The following ADCK1 variants were observed in gnomAD, a reference collection of about 807,000 sequenced individuals.
The protein encoded by ADCK1 is aarF domain containing kinase 1.
A neutral mutation model predicts 52.3 loss-of-function variants in ADCK1; 41 were observed. The observed-to-expected ratio is 0.78, with a 90% CI of 0.61 to 1.02. The LOEUF (loss-of-function observed/expected upper bound fraction) is 1.02, where lower values mean the gene tolerates loss of function less well. Among genes scored for constraint, ADCK1 ranks in the 50% least tolerant of loss-of-function variants. ADCK1 has a pLI of 0.00. For synonymous variants in ADCK1, 250 were observed against 274.6 expected (o/e 0.91, Z 0.89); for missense variants, 658 against 679.5 (o/e 0.97, Z 0.35).
intron 4 of ADCK1, among the ~76,000 whole-genome samples, chr14:77,860,978 A>G (rs1211965146): frequency 6.6e-6 from 1 of 152,154 alleles, no homozygotes; most frequent in Non-Finnish European, 1.5e-5. Context: ...GCTGTCCCCA[A>G]GCCAGGGTGG....
intron 3 of ADCK1, among the ~76,000 whole-genome samples, chr14:77,835,819 A>G (rs960421615): frequency 4.6e-5 from 7 of 152,100 alleles, no homozygotes; most frequent in African/African-American, 1.7e-4. Context: ...TATTTTTTGT[A>G]GAGACAAGGT....
At position 77,818,994 on chromosome 14, in the gene ADCK1, C is replaced by T; in HGVS notation, c.16C>T (p.Leu6Phe). 6 of 1,614,166 alleles carry T rather than the reference C, an allele frequency of 3.7e-6. No homozygotes were observed. Among genetic ancestry groups the T allele is most frequent in the Non-Finnish European group, 4.2e-6 (5 of 1,180,024 alleles). Residue 6 changes from leucine (L) to phenylalanine (F), a missense_variant, in exon 2 of 11, where the codon CTC (leucine) becomes TTC (phenylalanine). Coordinates refer to ENST00000238561, the MANE Select transcript of ADCK1 (RefSeq NM_020421.4). ...ATCTGGCGACATGGCCAGAAAGGCT[C>T]TCAAGCTTGCTTCGTGGACCAGCAT... is the stretch of plus-strand genomic sequence containing the variant. Reference protein sequence around the residue: MARKALKLASWTSMAL... With the variant: MARKAFKLASWTSMAL...
chr14:77,893,484 C>T (rs893432441), intron 5 of ADCK1, among the ~76,000 whole-genome samples: 1 of 152,080 alleles, frequency 6.6e-6, no homozygotes. Context: ...CTCCCTTGCC[C>T]TCTCACCCTA....
At chr14:77,850,493 G>C (rs999235189) in intron 3 of ADCK1, among the ~76,000 whole-genome samples, 1 of 152,090 alleles carries the variant, frequency 6.6e-6, no homozygotes, top group African/African-American at 2.4e-5. Flanking sequence ...GTGCATAAAT[G>C]TTTAGGATGG....
intron 5 of ADCK1, among the ~76,000 whole-genome samples, chr14:77,892,741 C>T (rs2083308768): frequency 6.6e-6 from 1 of 152,150 alleles, no homozygotes; most frequent in African/African-American, 2.4e-5. Context: ...ACTGAGACCA[C>T]CTTGATTGGC....
chr14:77,885,568 G>A (rs28566696), intron 4 of ADCK1, among the ~76,000 whole-genome samples: 9,440 of 152,232 alleles, frequency 0.062, 354 homozygotes, highest in Middle Eastern at 0.12. Flanking sequence ...GTGTAGCCTA[G>A]CAGATGGGGT....
chr14:77,819,797 C>A (rs2081542551), intron 2 of ADCK1, among the ~76,000 whole-genome samples: 1 of 152,204 alleles, frequency 6.6e-6, no homozygotes, highest in African/African-American at 2.4e-5. Context: ...TTGCTTTCCT[C>A]CTTTATCTGC....
At chr14:77,905,018 G>A (rs546834699) in intron 6 of ADCK1, among the ~76,000 whole-genome samples, 201 of 152,306 alleles carry the variant, frequency 1.3e-3, no homozygotes, top group Non-Finnish European at 2.4e-3. Flanking sequence ...CTGAGCAGGA[G>A]CAGTTTGGCA....
intron 5 of ADCK1, among the ~76,000 whole-genome samples, chr14:77,895,900 G>T (rs920778171): frequency 6.6e-6 from 1 of 152,052 alleles, no homozygotes; most frequent in African/African-American, 2.4e-5. Context: ...AAAGGGGATG[G>T]TGACATTCCA....
intron 3 of ADCK1, among the ~76,000 whole-genome samples, chr14:77,829,423 T>C (rs1313827379): frequency 6.6e-6 from 1 of 150,766 alleles, no homozygotes; most frequent in Non-Finnish European, 1.5e-5. Context: ...GCCTCCTGAG[T>C]AGTGGACTAC....
chr14:77,815,009 C>T (rs2081414800), intron 1 of ADCK1, among the ~76,000 whole-genome samples: 3 of 151,014 alleles, frequency 2.0e-5, no homozygotes, highest in African/African-American at 7.3e-5. Flanking sequence ...GCATCAGCCT[C>T]CCGAGTAGCT....
At chr14:77,872,973 G>T (rs115634968) in intron 4 of ADCK1, among the ~76,000 whole-genome samples, 6,661 of 152,204 alleles carry the variant, frequency 0.044, 292 homozygotes, top group African/African-American at 0.11. Context: ...ACTGTGCCCG[G>T]CCTCCCCACT....
intron 4 of ADCK1, among the ~76,000 whole-genome samples, chr14:77,866,663 G>A (rs560564453): frequency 2.9e-4 from 44 of 152,270 alleles, no homozygotes; most frequent in African/African-American, 1.0e-3. Context: ...TGGCCAGATC[G>A]CCAACAAGGA....
chr14:77,833,008 A>G (rs1419653015), intron 3 of ADCK1, among the ~76,000 whole-genome samples: 2 of 152,120 alleles, frequency 1.3e-5, no homozygotes. Context: ...CAGAGGAGAA[A>G]ATGGGAAGTA....
chr14:77,905,304 G>GTTTTT (rs58057378), intron 6 of ADCK1, among the ~76,000 whole-genome samples: 2,217 of 96,136 alleles, frequency 0.023, 156 homozygotes, highest in African/African-American at 0.056. Flanking sequence ...TTCCTAGCTG[G>GTTTTT]TTTTTTTTTT....
chr14:77,887,069 C>G, intron 4 of ADCK1, 22 bp from the exon 5 acceptor site: 1 of 1,537,704 alleles, frequency 6.5e-7, no homozygotes, highest in Non-Finnish European at 8.8e-7. Flanking sequence ...TTTCATTGCT[C>G]TGTTCTCTCC....
At chr14:77,828,209 C>G (rs1309208640) in intron 3 of ADCK1, among the ~76,000 whole-genome samples, 1 of 152,152 alleles carries the variant, frequency 6.6e-6, no homozygotes. Context: ...GGTGATTCAC[C>G]TGCCTTGGCT....
chr14:77,854,651 G>A (rs548006195), intron 3 of ADCK1, among the ~76,000 whole-genome samples: 1 of 150,780 alleles, frequency 6.6e-6, no homozygotes, highest in African/African-American at 2.4e-5. Context: ...CCGCCTCCTG[G>A]ATTCAAGTGA....
At chr14:77,893,760 GTCTCAC>G (rs1467333175) in intron 5 of ADCK1, among the ~76,000 whole-genome samples, 1 of 61,430 alleles carries the variant, frequency 1.6e-5, no homozygotes, top group African/African-American at 6.6e-5. Flanking sequence ...TTTTGACAGA[GTCTCAC>G]TCTGTTGCCC....
Sources: gnomAD v4.1 joint callset for allele counts (sites outside exome capture counted in the v4.1 genomes callset) on GRCh38, gnomAD v4.1.1 for gene constraint, MANE v1.5 for transcripts, NCBI Gene and HGNC (gene_info 2026-07-23, HGNC 2026-07-21) for gene names.